APOL5: variants seen among roughly 807,000 people sequenced by gnomAD.
The protein encoded by APOL5 is apolipoprotein L, 5.
Under a neutral mutation model 35.5 loss-of-function variants are expected in APOL5, and 29 were observed. That is an observed-to-expected ratio of 0.82 (90% CI 0.61 to 1.11). The LOEUF is 1.11. Among genes scored for constraint, APOL5 ranks in the 50% most tolerant of loss-of-function variants. APOL5 has a pLI of 0.00. For missense variants in APOL5, 514 were observed against 530.4 expected, an observed-to-expected ratio of 0.97 and a Z score of 0.30; for synonymous variants, 188 against 200.2, an observed-to-expected ratio of 0.94 and a Z score of 0.51.
intron 1 of APOL5, among the ~76,000 whole-genome samples, chr22:35,718,833 G>A (rs1926856027): frequency 6.6e-6 from 1 of 151,786 alleles, no homozygotes; most frequent in Non-Finnish European, 1.5e-5. Flanking sequence ...CAAGGCAGAT[G>A]TATCACCTGA....
chr22:35,727,339 T>C, intron 3 of APOL5, 145 bp downstream of exon 3: 1 of 1,214,224 alleles, frequency 8.2e-7, no homozygotes, highest in Non-Finnish European at 1.1e-6. Flanking sequence ...CGCACACCCC[T>C]GACATTAACT....
chr22:35,715,087 T>G (rs1052955866), upstream of APOL5, among the ~76,000 whole-genome samples: 1 of 152,218 alleles, frequency 6.6e-6, no homozygotes, highest in African/African-American at 2.4e-5. Context: ...GTTTGACCTC[T>G]CATCCTATGC....
At chr22:35,711,035 G>A in the APOL5 span, among the ~76,000 whole-genome samples, 1 of 152,198 alleles carries the variant, frequency 6.6e-6, no homozygotes, top group Non-Finnish European at 1.5e-5. Flanking sequence ...CGGGCATGGT[G>A]GCACATGCCC....
intron 2 of APOL5, among the ~76,000 whole-genome samples, chr22:35,721,544 T>TAA (rs5845237): frequency 1.3e-3 from 195 of 148,922 alleles, no homozygotes; most frequent in Non-Finnish European, 1.9e-3. Flanking sequence ...GGGCTTCATT[T>TAA]AAAAAAAAAA....
At chr22:35,722,489 C>A (rs1197619211) in intron 2 of APOL5, among the ~76,000 whole-genome samples, 7 of 152,108 alleles carry the variant, frequency 4.6e-5, no homozygotes, top group Non-Finnish European at 1.0e-4. Context: ...TTTTAGTAGA[C>A]AGGGTTTCAC....
intron 1 of APOL5, 47 bp from the exon 2 acceptor site, chr22:35,720,521 C>T (rs915773013): frequency 6.4e-6 from 10 of 1,567,930 alleles, no homozygotes; most frequent in Non-Finnish European, 8.8e-6. Flanking sequence ...TCTTTTCGGG[C>T]TGAGATGACT....
At chr22:35,710,113 CTTTTTTTTTTTT>C in the APOL5 span, among the ~76,000 whole-genome samples, 84 of 86,706 alleles carry the variant, frequency 9.7e-4, 1 homozygote, top group African/African-American at 5.4e-3. Flanking sequence ...CTTTCTTTCT[CTTTTTTTTTTTT>C]TTTTTTTTTT....
At chr22:35,715,709 T>A (rs1926723955), upstream of APOL5, among the ~76,000 whole-genome samples, 2 of 152,146 alleles carry the variant, frequency 1.3e-5, no homozygotes, top group Non-Finnish European at 2.9e-5. Context: ...AATGATGAGG[T>A]CTTATTCTAA....
chr22:35,712,362 G>A, the APOL5 span, among the ~76,000 whole-genome samples: 1 of 151,950 alleles, frequency 6.6e-6, no homozygotes, highest in Admixed American at 6.6e-5. Context: ...GGTATTTCAT[G>A]TGGTTTTCAA....
At chr22:35,725,640 C>A (rs1390424513) in intron 2 of APOL5, among the ~76,000 whole-genome samples, 2 of 151,924 alleles carry the variant, frequency 1.3e-5, no homozygotes, top group Non-Finnish European at 2.9e-5. Context: ...AAGCTGAAAT[C>A]ATAGGATGTC....
intron 1 of APOL5, 121 bp from the exon 2 acceptor site, chr22:35,720,447 C>CTTTTTTT: frequency 1.6e-6 from 1 of 615,410 alleles, no homozygotes; most frequent in Non-Finnish European, 2.6e-6. Flanking sequence ...TTGTTGTATT[C>CTTTTTTT]TTTTTTTTTT....
At chr22:35,724,702 C>T (rs1390718778) in intron 2 of APOL5, among the ~76,000 whole-genome samples, 1 of 151,960 alleles carries the variant, frequency 6.6e-6, no homozygotes, top group Non-Finnish European at 1.5e-5. Context: ...TCCCCGCCTC[C>T]TAGGTTCAAG....
At chr22:35,714,204 T>C (rs1926672490), upstream of APOL5, among the ~76,000 whole-genome samples, 1 of 152,056 alleles carries the variant, frequency 6.6e-6, no homozygotes, top group Admixed American at 6.6e-5. Flanking sequence ...CCCAGCTACT[T>C]GGAAGGCTAA....
chr22:35,728,838 G>A lies in APOL5; in HGVS notation c.1242G>A (p.Gln414=), dbSNP rs1428764985. Residue 414 remains glutamine (Q), a synonymous_variant, in exon 4 of 5, where the codon CAG becomes CAA. Coordinates refer to ENST00000249044, the MANE Select transcript of APOL5 (RefSeq NM_030642.1). ...CTGCCCCAAGGATGCTTGGCCACCA[G>A]CCAGCCCCACCAGCACCAGCAAGAA... ...TVSAPRMLGH[Q]PAPPAPARKG... 1 of 1,612,312 alleles carries A rather than the reference G, an allele frequency of 6.2e-7. No individual in the cohort carries two copies. The highest frequency in any genetic ancestry group is 8.5e-7 in the Non-Finnish European group (1 of 1,179,318).
At chr22:35,708,988 A>C in the APOL5 span, among the ~76,000 whole-genome samples, 1 of 152,244 alleles carries the variant, frequency 6.6e-6, no homozygotes, top group African/African-American at 2.4e-5. Flanking sequence ...TGCGAGTAAC[A>C]CAAATGCGCT....
chr22:35,726,962 G>A lies in APOL5; in HGVS notation c.894G>A (p.Gly298=). 1 of 1,614,164 alleles carries A rather than the reference G, an allele frequency of 6.2e-7. No individual in the cohort carries two copies. Among genetic ancestry groups the A allele is most frequent in the Non-Finnish European group, 8.5e-7 (1 of 1,180,022 alleles). ...TNGAWVMGAA[G]AGFLLMKDMS... Reference sequence around the variant, plus strand: ...GTGCCTGGGTGATGGGTGCTGCTGGGGCTGGCTTCTTACTTATGAAAGACA... The same window carrying A: ...GTGCCTGGGTGATGGGTGCTGCTGGAGCTGGCTTCTTACTTATGAAAGACA... Residue 298 remains glycine (G), a synonymous_variant, in exon 3 of 5, where the codon GGG becomes GGA. Transcript: ENST00000249044.
At chr22:35,711,885 GGCT>G in the APOL5 span, among the ~76,000 whole-genome samples, 1 of 152,076 alleles carries the variant, frequency 6.6e-6, no homozygotes, top group Non-Finnish European at 1.5e-5. Flanking sequence ...ATGTTGGCCA[GGCT>G]GGTTTTGAAC....
rs756293066 is a variant in APOL5, at chr22:35,726,957, G to C, written c.889G>C (p.Ala297Pro). 2 of 1,614,210 alleles carry C rather than the reference G, an allele frequency of 1.2e-6. No individual in the cohort carries two copies. The highest frequency in any genetic ancestry group is 1.7e-6 in the Non-Finnish European group (2 of 1,180,030). The change falls in exon 3 of 5, where the codon GCT becomes CCT. Residue 297 changes from alanine (A) to proline (P), a missense_variant. Around this residue, in one of 3 missense-constraint regions of APOL5, gnomAD observed 238 missense variants for 229.1 expected, o/e 1.04. Transcript: ENST00000249044. Reference sequence around the variant, plus strand: ...CAATGGTGCCTGGGTGATGGGTGCTGCTGGGGCTGGCTTCTTACTTATGAA... The same window carrying C: ...CAATGGTGCCTGGGTGATGGGTGCTCCTGGGGCTGGCTTCTTACTTATGAA... The part of the protein sequence containing the change: ...MTNGAWVMGA[A>P]GAGFLLMKDM...
chr22:35,727,155 G>A lies in APOL5; in HGVS notation c.1087G>A (p.Gly363Ser), dbSNP rs201249784. ...KASQTCSSSR[G>S]RAVRGSRVVK... ...GAGCCAGACCTGTTCCAGCTCCCGG[G>A]GCAGGGCTGTTCGAGGATCCCGTGT... The change falls in exon 3 of 5, where the codon GGC becomes AGC. Residue 363 changes from glycine (G) to serine (S), a missense_variant. This residue lies in a region of APOL5 where 238 missense variants were observed against 229.1 expected (regional missense o/e 1.04). Coordinates refer to ENST00000249044, the MANE Select transcript of APOL5 (RefSeq NM_030642.1). The A allele has an allele frequency of 1.2e-6, 2 of 1,606,536 alleles. No homozygotes were observed. The highest frequency in any genetic ancestry group is 1.7e-6 in the Non-Finnish European group (2 of 1,179,714).
Sources: allele counts gnomAD v4.1 joint callset (sites outside exome capture counted in the v4.1 genomes callset), GRCh38; gene constraint gnomAD v4.1.1; regional missense constraint gnomAD v4.1.1; transcripts MANE v1.5; gene names NCBI Gene and HGNC (gene_info 2026-07-23, HGNC 2026-07-21).